IGFBP7: variants seen among roughly 807,000 people sequenced by gnomAD.
IGFBP7 encodes the protein insulin-like growth factor-binding protein 7.
Under a neutral mutation model 29.4 loss-of-function variants are expected in IGFBP7, and 31 were observed. That is an observed-to-expected ratio of 1.05 (90% CI 0.79 to 1.42). The LOEUF (loss-of-function observed/expected upper bound fraction) is 1.42, where lower values mean the gene tolerates loss of function less well. Among genes scored for constraint, IGFBP7 ranks in the 40% most tolerant of loss-of-function variants. The pLI, the probability that IGFBP7 is intolerant of heterozygous loss-of-function variation, is 0.00. For synonymous variants in IGFBP7, 172 were observed against 174.9 expected (o/e 0.98, Z 0.13); for missense variants, 393 against 395.5 (o/e 0.99, Z 0.05).
chr4:57,056,779 CAGA>C (rs1257417454), intron 1 of IGFBP7, among the ~76,000 whole-genome samples: 1 of 152,194 alleles, frequency 6.6e-6, no homozygotes, highest in Non-Finnish European at 1.5e-5. Context: ...TGTTACCTCA[CAGA>C]AGGAGATTGC....
At chr4:57,068,987 C>A (rs900537062) in intron 1 of IGFBP7, among the ~76,000 whole-genome samples, 36 of 151,786 alleles carry the variant, frequency 2.4e-4, no homozygotes, top group African/African-American at 8.5e-4. Context: ...GGTAAGGAAG[C>A]CTTTCTGGCC....
intron 1 of IGFBP7, among the ~76,000 whole-genome samples, chr4:57,100,666 A>G (rs1347991003): frequency 6.6e-6 from 1 of 152,242 alleles, no homozygotes; most frequent in Non-Finnish European, 1.5e-5. Flanking sequence ...GGCAAAATAA[A>G]TTCAGGAAAG....
At chr4:57,055,659 T>C (rs989258324) in intron 1 of IGFBP7, among the ~76,000 whole-genome samples, 10 of 144,998 alleles carry the variant, frequency 6.9e-5, no homozygotes, top group African/African-American at 2.5e-4. Flanking sequence ...TCTCCTGGAC[T>C]GCTTTCCATT....
chr4:57,053,500 C>CT (rs1484982227), intron 1 of IGFBP7, among the ~76,000 whole-genome samples: 4 of 152,170 alleles, frequency 2.6e-5, no homozygotes, highest in African/African-American at 9.7e-5. Flanking sequence ...CCATGAAGGA[C>CT]TTGAAACCAT....
At chr4:57,048,411 A>G (rs1266749732) in intron 1 of IGFBP7, among the ~76,000 whole-genome samples, 1 of 152,202 alleles carries the variant, frequency 6.6e-6, no homozygotes, top group African/African-American at 2.4e-5. Flanking sequence ...TTATTTTAAG[A>G]ATATTTGATT....
At chr4:57,032,679 A>T in intron 3 of IGFBP7, 127 bp from the exon 4 acceptor site, 2 of 766,746 alleles carry the variant, frequency 2.6e-6, no homozygotes, top group Non-Finnish European at 4.6e-6. Flanking sequence ...GTACTGCTAG[A>T]AGCAGTGCAA....
intron 1 of IGFBP7, among the ~76,000 whole-genome samples, chr4:57,052,913 C>G (rs1429693209): frequency 6.6e-6 from 1 of 152,172 alleles, no homozygotes; most frequent in Admixed American, 6.5e-5. Context: ...TCACAATTAT[C>G]ACTGTAATTT....
chr4:57,072,116 A>C (rs1442772675), intron 1 of IGFBP7, among the ~76,000 whole-genome samples: 1 of 152,122 alleles, frequency 6.6e-6, no homozygotes, highest in East Asian at 1.9e-4. Flanking sequence ...TCAGTACTCG[A>C]TAGTTATCTT....
At chr4:57,089,514 C>T (rs189739719) in intron 1 of IGFBP7, among the ~76,000 whole-genome samples, 10 of 152,228 alleles carry the variant, frequency 6.6e-5, no homozygotes, top group East Asian at 5.8e-4. Context: ...TTCCATTTTT[C>T]CCCCCAGCTA....
intron 1 of IGFBP7, among the ~76,000 whole-genome samples, chr4:57,101,551 C>T (rs1306180568): frequency 6.6e-6 from 1 of 152,158 alleles, no homozygotes; most frequent in Non-Finnish European, 1.5e-5. Flanking sequence ...CTCTGTAAAA[C>T]AGTAAAGGCA....
rs1432611258 is a variant in IGFBP7, at chr4:57,032,409, T to C, written c.829+17A>G. ...TGTACTAGTCATTTTTAAATGGCTG[T>C]GAGATTTATTGTGTACCTTTTTTCA... is the stretch of plus-strand genomic sequence containing the variant. On this transcript the variant is annotated intron_variant, in intron 4 of 4. Coordinates refer to ENST00000295666, the MANE Select transcript of IGFBP7 (RefSeq NM_001553.3). 2 of 1,606,368 alleles carry C rather than the reference T, an allele frequency of 1.2e-6. No homozygotes were observed. Among genetic ancestry groups the C allele is most frequent in the Admixed American group, 3.3e-5 (2 of 59,868 alleles).
intron 1 of IGFBP7, among the ~76,000 whole-genome samples, chr4:57,071,892 T>C (rs117536965): frequency 0.05 from 7,674 of 152,146 alleles, 302 homozygotes; most frequent in East Asian, 0.21. Flanking sequence ...TCCCAGCACA[T>C]TGGGAGGCTG....
At chr4:57,086,288 A>G (rs1195490467) in intron 1 of IGFBP7, among the ~76,000 whole-genome samples, 1 of 152,160 alleles carries the variant, frequency 6.6e-6, no homozygotes, top group Non-Finnish European at 1.5e-5. Context: ...TGACACTTGG[A>G]GATTATGGAG....
At chr4:57,099,668 C>A (rs1725843827) in intron 1 of IGFBP7, among the ~76,000 whole-genome samples, 1 of 152,352 alleles carries the variant, frequency 6.6e-6, no homozygotes, top group East Asian at 1.9e-4. Context: ...TTCATGCCAG[C>A]AGCCCTAGCA....
chr4:57,086,880 C>A (rs754186317), intron 1 of IGFBP7, among the ~76,000 whole-genome samples: 1 of 152,190 alleles, frequency 6.6e-6, no homozygotes, highest in Non-Finnish European at 1.5e-5. Context: ...ATTACAGGCA[C>A]ATACCACCAC....
rs11555288 is a variant in IGFBP7 at position 57,110,106 on chromosome 4, C to T, written c.246G>A (p.Ala82=). 6.5e-7 allele frequency: 1 copy of T among 1,528,380 alleles called. No homozygotes were observed. The highest frequency in any genetic ancestry group is 8.7e-7 in the Non-Finnish European group (1 of 1,144,636). The allele number at this position is 1,528,380 out of a possible 1,614,324, so 94.7% of individuals were successfully genotyped here. The stretch of plus-strand genomic sequence containing the variant: ...GGCTCTTCACGCACTCCATGCCCGG[C>T]GCGCAGTACCCCCTGCCGGCGCCGC... The part of the protein sequence containing the change: ...GGGGAGRGYC[A]PGMECVKSRK... Residue 82 remains alanine, a synonymous_variant, in exon 1 of 5, where the codon GCG becomes GCA. Coordinates refer to ENST00000295666, the MANE Select transcript of IGFBP7 (RefSeq NM_001553.3).
intron 1 of IGFBP7, among the ~76,000 whole-genome samples, chr4:57,073,754 A>G (rs76907822): frequency 0.029 from 4,435 of 152,242 alleles, 184 homozygotes; most frequent in African/African-American, 0.088. Context: ...CTACAAGCCA[A>G]CCCAGATGCC....
At chr4:57,083,583 G>A (rs181128933) in intron 1 of IGFBP7, among the ~76,000 whole-genome samples, 1 of 152,234 alleles carries the variant, frequency 6.6e-6, no homozygotes, top group Admixed American at 6.5e-5. Context: ...GGCTATTACT[G>A]TCTTCCTGTT....
intron 1 of IGFBP7, among the ~76,000 whole-genome samples, chr4:57,077,900 A>G (rs1725266982): frequency 6.6e-6 from 1 of 152,206 alleles, no homozygotes; most frequent in Non-Finnish European, 1.5e-5. Flanking sequence ...ATGCAGGCGC[A>G]GGGCTTCCCA....
Sources: gnomAD v4.1 joint callset for allele counts (sites outside exome capture counted in the v4.1 genomes callset) on GRCh38, gnomAD v4.1.1 for gene constraint, MANE v1.5 for transcripts, NCBI Gene and HGNC (gene_info 2026-07-23, HGNC 2026-07-21) for gene names.